The following SLC17A5 variants were observed in gnomAD, a reference collection of about 807,000 sequenced individuals.
SLC17A5 encodes the protein solute carrier family 17 member 5.
SLC17A5 carries 47 observed loss-of-function variants against 59.4 expected under a neutral mutation model. That is an observed-to-expected ratio of 0.79 (90% CI 0.63 to 1.01). The LOEUF is 1.01. Ranked by LOEUF, SLC17A5 falls within the 50% of genes least tolerant of loss-of-function variation. The pLI is 0.00. For synonymous variants in SLC17A5, 202 were observed against 210.7 expected (o/e 0.96, Z 0.36); for missense variants, 522 against 595.5 (o/e 0.88, Z 1.28).
At chr6:73,625,773 G>A (rs537391618) in intron 6 of SLC17A5, among the ~76,000 whole-genome samples, 59 of 152,174 alleles carry the variant, frequency 3.9e-4, no homozygotes, top group Non-Finnish European at 7.6e-4. Flanking sequence ...ACCCAGGGGA[G>A]CCTTAAAAAC....
At chr6:73,647,670 G>C (rs1180059428) in intron 1 of SLC17A5, among the ~76,000 whole-genome samples, 1 of 152,138 alleles carries the variant, frequency 6.6e-6, no homozygotes, top group Admixed American at 6.6e-5. Context: ...ATGAAAGAAA[G>C]GTAAGTAAAA....
intron 3 of SLC17A5, 100 bp downstream of exon 3, chr6:73,641,591 G>T: frequency 2.3e-6 from 2 of 852,864 alleles, no homozygotes; most frequent in Non-Finnish European, 3.7e-6. Flanking sequence ...ATCATCCAAC[G>T]TTATTTTTTG....
chr6:73,618,961 A>G (rs1283578324), intron 7 of SLC17A5, among the ~76,000 whole-genome samples: 1 of 152,168 alleles, frequency 6.6e-6, no homozygotes, highest in East Asian at 1.9e-4. Flanking sequence ...TCTTGAGCAC[A>G]GGCAATCCGC....
intron 6 of SLC17A5, among the ~76,000 whole-genome samples, chr6:73,626,383 A>G (rs771253258): frequency 4.6e-5 from 7 of 152,248 alleles, no homozygotes. Context: ...CTTAGTGTTC[A>G]TTTGTAATCT....
chr6:73,608,802 G>T (rs559843), intron 9 of SLC17A5, among the ~76,000 whole-genome samples: 16,077 of 152,128 alleles, frequency 0.11, 1,017 homozygotes, highest in Middle Eastern at 0.18. Context: ...GATTACTTGA[G>T]GCCAGGAGAC....
intron 8 of SLC17A5, among the ~76,000 whole-genome samples, chr6:73,615,017 C>T (rs774271201): frequency 4.6e-5 from 7 of 152,080 alleles, no homozygotes; most frequent in East Asian, 1.9e-4. Context: ...GATTGGTATC[C>T]GAAGTAGGGG....
At chr6:73,627,412 T>C (rs1768478461) in intron 6 of SLC17A5, among the ~76,000 whole-genome samples, 1 of 152,048 alleles carries the variant, frequency 6.6e-6, no homozygotes, top group Non-Finnish European at 1.5e-5. Context: ...AAATTAAAAA[T>C]ATAACAGCCA....
chr6:73,641,489 G>T (rs1200548306), intron 3 of SLC17A5, among the ~76,000 whole-genome samples: 3 of 152,012 alleles, frequency 2.0e-5, no homozygotes, highest in Non-Finnish European at 4.4e-5. Context: ...TCCAATTTCG[G>T]GGTGCTCCTA....
chr6:73,625,214 T>C (rs6940526), intron 6 of SLC17A5, among the ~76,000 whole-genome samples: 24,853 of 152,056 alleles, frequency 0.16, 3,140 homozygotes, highest in African/African-American at 0.35. Context: ...TGAGATGGAG[T>C]CTTGCTCTGT....
intron 10 of SLC17A5, among the ~76,000 whole-genome samples, chr6:73,597,231 G>C (rs1454279657): frequency 1.3e-5 from 2 of 152,056 alleles, no homozygotes; most frequent in African/African-American, 4.8e-5. Flanking sequence ...ACTTTGGGAG[G>C]CCATGGTGGG....
At chr6:73,601,616 C>T (rs1221805685) in intron 9 of SLC17A5, among the ~76,000 whole-genome samples, 1 of 90,828 alleles carries the variant, frequency 1.1e-5, no homozygotes, top group African/African-American at 4.8e-5. Flanking sequence ...CCCGGCCAGC[C>T]GCCCCGTCCG....
chr6:73,628,453 C>T (rs766216403), intron 6 of SLC17A5, among the ~76,000 whole-genome samples: 27 of 152,048 alleles, frequency 1.8e-4, no homozygotes, highest in Non-Finnish European at 3.8e-4. Flanking sequence ...TGCATGTAAT[C>T]CCAGCTACTC....
chr6:73,621,235 C>A (rs1180879367), intron 7 of SLC17A5, among the ~76,000 whole-genome samples: 2 of 151,636 alleles, frequency 1.3e-5, no homozygotes, highest in Non-Finnish European at 1.5e-5. Flanking sequence ...AAACTCCTGA[C>A]CTCAGGTGAT....
At chr6:73,601,467 G>GA (rs1767088729) in intron 9 of SLC17A5, among the ~76,000 whole-genome samples, 1 of 133,402 alleles carries the variant, frequency 7.5e-6, no homozygotes, top group Non-Finnish European at 1.6e-5. Flanking sequence ...AGGTGGGGGG[G>GA]TCAGCACCCC....
In SLC17A5 at chr6:73,600,403, G is replaced by A. The variant is rs1195719184; in HGVS notation, c.1298C>T (p.Ala433Val). 3.1e-6 allele frequency: 5 copies of A among 1,613,910 alleles called. No individual in the cohort carries two copies. The highest frequency in any genetic ancestry group is 8.5e-7 in the Non-Finnish European group (1 of 1,179,954). The change falls in exon 10 of 11, where the codon GCC (alanine) becomes GTC (valine). Residue 433 changes from alanine (A) to valine (V), a missense_variant. Coordinates refer to ENST00000355773, the MANE Select transcript of SLC17A5 (RefSeq NM_012434.5). ...GGGCCCAACCATTCCTGGAATAGTG[G>A]CAAATGTATTTGTGATGCCCAGGAG... ...GILLGITNTF[A>V]TIPGMVGPVI...
intron 3 of SLC17A5, among the ~76,000 whole-genome samples, chr6:73,641,201 T>C (rs995568274): frequency 6.6e-6 from 1 of 152,120 alleles, no homozygotes; most frequent in African/African-American, 2.4e-5. Flanking sequence ...CACTTCATCC[T>C]CCCGAGTAGC....
intron 8 of SLC17A5, 115 bp from the exon 9 acceptor site, chr6:73,610,662 A>G: frequency 2.7e-6 from 3 of 1,130,324 alleles, no homozygotes; most frequent in African/African-American, 1.6e-5. Context: ...GAAACACTAT[A>G]TTGCCTGGAA....
At chr6:73,645,362 T>C (rs1769487959) in intron 1 of SLC17A5, 2 of 985,364 alleles carry the variant, frequency 2.0e-6, no homozygotes, top group Non-Finnish European at 2.4e-6. Flanking sequence ...GTAAACTAAA[T>C]GCATTTAAGA....
intron 2 of SLC17A5, among the ~76,000 whole-genome samples, chr6:73,643,864 C>G (rs573643986): frequency 6.6e-6 from 1 of 152,148 alleles, no homozygotes; most frequent in Non-Finnish European, 1.5e-5. Flanking sequence ...GTATATATAA[C>G]TTAATTATAA....
Sources: gnomAD v4.1 joint callset for allele counts (sites outside exome capture counted in the v4.1 genomes callset) on GRCh38, gnomAD v4.1.1 for gene constraint, MANE v1.5 for transcripts, NCBI Gene and HGNC (gene_info 2026-07-23, HGNC 2026-07-21) for gene names.